CATSPERB: variants seen among roughly 807,000 people sequenced by gnomAD.
The protein encoded by CATSPERB is cation channel sperm-associated auxiliary subunit beta.
Under a neutral mutation model 128.3 loss-of-function variants are expected in CATSPERB, and 93 were observed. That is an observed-to-expected ratio of 0.72 (90% CI 0.61 to 0.86). The LOEUF (loss-of-function observed/expected upper bound fraction) is 0.86. Ranked by LOEUF, CATSPERB falls within the 40% of genes least tolerant of loss-of-function variation. The probability of loss-of-function intolerance (pLI) is 0.00; values close to 1 mark genes in which losing one functional copy is unlikely to be tolerated. For synonymous variants in CATSPERB, 381 were observed against 448.8 expected (o/e 0.85, Z 1.91); for missense variants, 1,153 against 1,329.5 (o/e 0.87, Z 2.06).
At position 91,659,984 on chromosome 14, in the gene CATSPERB, A is replaced by G; in HGVS notation, c.1288-3T>C. 12 of 1,574,420 alleles carry G rather than the reference A, an allele frequency of 7.6e-6. No homozygotes were observed. Among genetic ancestry groups the G allele is most frequent in the Non-Finnish European group, 1.0e-5 (12 of 1,167,214 alleles). ...CCGCCATCAACTGAAAGCCATATCT[A>G]AAGGAATAAAGAGATAATACCTTAC... On this transcript the variant is annotated splice_region_variant and splice_polypyrimidine_tract_variant and intron_variant, in intron 14 of 26. Coordinates refer to ENST00000256343, the MANE Select transcript of CATSPERB (RefSeq NM_024764.4).
intron 21 of CATSPERB, among the ~76,000 whole-genome samples, chr14:91,610,119 C>T (rs770735968): frequency 2.0e-5 from 3 of 152,002 alleles, no homozygotes; most frequent in South Asian, 2.1e-4. Flanking sequence ...GAAAAAAATC[C>T]GCATGTAAGT....
chr14:91,640,471 A>G (rs1160488714), intron 15 of CATSPERB, among the ~76,000 whole-genome samples: 1 of 105,276 alleles, frequency 9.5e-6, no homozygotes, highest in Non-Finnish European at 1.9e-5. Context: ...TTCAATTCCC[A>G]CCTATGAGTG....
chr14:91,616,161 G>A (rs1160011207), intron 20 of CATSPERB, among the ~76,000 whole-genome samples: 2 of 152,112 alleles, frequency 1.3e-5, no homozygotes, highest in Admixed American at 6.5e-5. Context: ...GATTGCAGGC[G>A]TGAGCCACTG....
chr14:91,725,074 C>A lies in CATSPERB; in HGVS notation c.168+6G>T. On this transcript the variant is annotated splice_donor_region_variant and intron_variant, in intron 3 of 26. Coordinates refer to ENST00000256343, the MANE Select transcript of CATSPERB (RefSeq NM_024764.4). ...GGTTATAACACATGCTATTAGTGGA[C>A]CTTACCAAGTTTTCTAAGAAAAGAT... 6.6e-7 allele frequency: 1 copy of A among 1,513,010 alleles called. No homozygotes were observed. The highest frequency in any genetic ancestry group is 9.0e-7 in the Non-Finnish European group (1 of 1,112,436). The allele number at this position is 1,513,010 out of a possible 1,614,324, so 93.7% of individuals were successfully genotyped here.
At chr14:91,599,545 C>CAAAAAAAA (rs36175924) in intron 22 of CATSPERB, among the ~76,000 whole-genome samples, 2 of 113,948 alleles carry the variant, frequency 1.8e-5, no homozygotes, top group African/African-American at 3.4e-5. Context: ...GGCGGCAGAG[C>CAAAAAAAA]AAAAAAAAAA....
intron 16 of CATSPERB, among the ~76,000 whole-genome samples, chr14:91,638,284 G>A (rs984803945): frequency 6.6e-5 from 10 of 152,178 alleles, no homozygotes; most frequent in African/African-American, 2.4e-4. Context: ...TATAAAAACC[G>A]GTATCAAGTG....
intron 15 of CATSPERB, among the ~76,000 whole-genome samples, chr14:91,653,205 A>C (rs1894737799): frequency 6.6e-6 from 1 of 152,214 alleles, no homozygotes; most frequent in South Asian, 2.1e-4. Context: ...TACAATAAAA[A>C]ATGCTGTGTG....
At chr14:91,641,420 G>A (rs1219073206) in intron 15 of CATSPERB, among the ~76,000 whole-genome samples, 1 of 151,916 alleles carries the variant, frequency 6.6e-6, no homozygotes. Flanking sequence ...TGTATAAGGT[G>A]TAAGGAAGGG....
At position 91,719,450 on chromosome 14, in the gene CATSPERB, T is replaced by C; in HGVS notation, c.338A>G (p.Asp113Gly). 6.2e-7 allele frequency: 1 copy of C among 1,612,102 alleles called. No individual in the cohort carries two copies. Among genetic ancestry groups the C allele is most frequent in the Non-Finnish European group, 8.5e-7 (1 of 1,179,014 alleles). ...TTGTGTGATGTTTTCTCTAGGAATA[T>C]CAACCAACCACAAAATCCGATCACT... The part of the protein sequence containing the change: ...LFSDRILWLV[D>G]IPRENITQST... The change falls in exon 5 of 27, where the codon GAT (aspartate) becomes GGT (glycine). Residue 113 changes from aspartate to glycine, a missense_variant. Coordinates refer to ENST00000256343, the MANE Select transcript of CATSPERB (RefSeq NM_024764.4).
At chr14:91,588,603 C>T (rs553319942) in intron 24 of CATSPERB, among the ~76,000 whole-genome samples, 11 of 152,156 alleles carry the variant, frequency 7.2e-5, no homozygotes, top group South Asian at 4.2e-4. Context: ...AGGGGTTAGA[C>T]GTTGCAGTGG....
In CATSPERB at chr14:91,586,571, A is replaced by AAGAGAGAGAGAGAG. The variant is rs35756131; in HGVS notation, c.3132+617_3132+630dup. Among the ~76,000 whole-genome samples the AAGAGAGAGAGAGAG allele has an allele frequency of 2.7e-3, 312 of 114,246 alleles. 1 individual carries two copies. Among genetic ancestry groups the AAGAGAGAGAGAGAG allele is most frequent in the African/African-American group, 0.011 (299 of 27,764 alleles). The allele number at this position is 114,246 out of a possible 152,430, so 74.9% of individuals were successfully genotyped here. On this transcript the variant is annotated intron_variant, in intron 26 of 26. Transcript: ENST00000256343. ...GGAGAGAGAGAGAGAGAGAGAGAGA[A>AAGAGAGAGAGAGAG]AGAGAGAGAGAGAGAGAGAGAGACA...
intron 15 of CATSPERB, among the ~76,000 whole-genome samples, chr14:91,646,889 T>G (rs182544976): frequency 1.3e-5 from 2 of 152,372 alleles, no homozygotes; most frequent in Admixed American, 1.3e-4. Context: ...ATCAAGAAGT[T>G]ACATTCTATT....
intron 1 of CATSPERB, among the ~76,000 whole-genome samples, chr14:91,731,488 C>A (rs768339828): frequency 6.6e-6 from 1 of 152,118 alleles, no homozygotes. Flanking sequence ...AGTTCATATT[C>A]TATTCAGTAA....
intron 26 of CATSPERB, 152 bp downstream of exon 26, chr14:91,587,050 A>G (rs1893314886): frequency 1.7e-6 from 1 of 581,002 alleles, no homozygotes; most frequent in Non-Finnish European, 3.0e-6. Context: ...CACTACTGAC[A>G]GGGTCAATGC....
intron 26 of CATSPERB, among the ~76,000 whole-genome samples, chr14:91,583,197 TCA>T (rs1893237651): frequency 6.6e-6 from 1 of 152,190 alleles, no homozygotes; most frequent in African/African-American, 2.4e-5. Context: ...GGCGGGCAGA[TCA>T]CGAGGTCAGG....
intron 11 of CATSPERB, among the ~76,000 whole-genome samples, chr14:91,676,864 C>A (rs1045519335): frequency 5.9e-5 from 9 of 152,090 alleles, no homozygotes; most frequent in Non-Finnish European, 1.2e-4. Context: ...GGTACTGGTA[C>A]CAAAACAGAC....
intron 18 of CATSPERB, among the ~76,000 whole-genome samples, chr14:91,623,623 T>A (rs2139789791): frequency 6.6e-6 from 1 of 152,336 alleles, no homozygotes; most frequent in East Asian, 1.9e-4. Flanking sequence ...TTTAATATGA[T>A]CTCTCACTTG....
chr14:91,691,485 A>G (rs776706134), intron 10 of CATSPERB, 38 bp downstream of exon 10: 25 of 1,497,280 alleles, frequency 1.7e-5, no homozygotes, highest in Non-Finnish European at 2.2e-5. Flanking sequence ...GTAAACACAT[A>G]TCTTCTAACC....
intron 22 of CATSPERB, chr14:91,604,474 C>T: frequency 6.4e-7 from 1 of 1,567,426 alleles, no homozygotes; most frequent in Middle Eastern, 2.3e-4. Flanking sequence ...TACTAAAATA[C>T]CTAGTGGTCT....
Sources: allele counts gnomAD v4.1 joint callset (sites outside exome capture counted in the v4.1 genomes callset), GRCh38; gene constraint gnomAD v4.1.1; transcripts MANE v1.5; gene names NCBI Gene and HGNC (gene_info 2026-07-23, HGNC 2026-07-21).